The following PAM variants were observed in gnomAD, a reference collection of about 807,000 sequenced individuals.
PAM encodes the protein peptidylglycine alpha-amidating monooxygenase.
Under a neutral mutation model 122.1 loss-of-function variants are expected in PAM, and 72 were observed. The observed-to-expected ratio is 0.59, with a 90% confidence interval of 0.49 to 0.72. The LOEUF (loss-of-function observed/expected upper bound fraction) is 0.72, where lower values mean the gene tolerates loss of function less well. PAM is among the 30% of genes least tolerant of loss of function. PAM has a pLI of 0.00. For synonymous variants in PAM, 389 were observed against 404.4 expected (o/e 0.96, Z 0.46); for missense variants, 1,106 against 1,183.7 (o/e 0.93, Z 0.96).
downstream of PAM, chr5:103,030,062 A>T (rs1786040522): frequency 6.6e-6 from 1 of 152,206 alleles, no homozygotes; most frequent in African/African-American, 2.4e-5. Flanking sequence ...CACTAATAAT[A>T]GTTTTCCTTT....
At chr5:102,823,782 C>A (rs974088626) in intron 1 of PAM, among the ~76,000 whole-genome samples, 1 of 152,142 alleles carries the variant, frequency 6.6e-6, no homozygotes, top group African/African-American at 2.4e-5. Context: ...AATCTATGCT[C>A]ATAAGTGAAC....
rs202198368 is a variant in PAM, at chr5:102,990,387, T to C, written c.1599T>C (p.His533=). 7.5e-6 allele frequency: 12 copies of C among 1,595,526 alleles called. No individual in the cohort carries two copies. The highest frequency in any genetic ancestry group is 1.0e-5 in the Non-Finnish European group (12 of 1,169,704). The change falls in exon 16 of 26, where the codon CAT becomes CAC. Residue 533 remains histidine (H), a synonymous_variant. Coordinates refer to ENST00000438793, the MANE Select transcript of PAM (RefSeq NM_001177306.2). ...TGGTGATTTTCCACAGAGGTGACCA[T>C]GTCTGGGATGGAAAGTAAGTAATAT... is the stretch of plus-strand genomic sequence containing the variant. ...NNLVIFHRGD[H]VWDGNSFDSK... is the part of the protein sequence containing the mutation.
chr5:102,943,715 A>T (rs1302985288), intron 7 of PAM, among the ~76,000 whole-genome samples: 2 of 152,160 alleles, frequency 1.3e-5, no homozygotes, highest in Admixed American at 6.5e-5. Context: ...TAAGATTTGA[A>T]CTTACACTCT....
intron 16 of PAM, among the ~76,000 whole-genome samples, chr5:103,001,076 C>T (rs186003025): frequency 6.6e-6 from 1 of 152,066 alleles, no homozygotes; most frequent in African/African-American, 2.4e-5. Context: ...AAACTTTAAC[C>T]TATTACATAT....
intron 5 of PAM, among the ~76,000 whole-genome samples, chr5:102,923,879 A>C (rs1437071478): frequency 6.6e-6 from 1 of 152,186 alleles, no homozygotes; most frequent in Non-Finnish European, 1.5e-5. Flanking sequence ...GTCAACAGTG[A>C]ATCTTCAGAT....
chr5:102,878,122 C>T lies in PAM; in HGVS notation c.210+10729C>T, dbSNP rs76619008. ...TCTATAATTATTAATACATAAATATCCCTCTGTAAGATATTTGGTGTATCA... is the reference window on the plus strand; with the variant it reads ...TCTATAATTATTAATACATAAATATTCCTCTGTAAGATATTTGGTGTATCA... On this transcript the variant is annotated intron_variant, in intron 3 of 25. Coordinates refer to ENST00000438793, the MANE Select transcript of PAM (RefSeq NM_001177306.2). 6.7e-3 allele frequency among the ~76,000 whole-genome samples: 1,019 copies of T among 151,934 alleles called. 8 individuals carry two copies. The highest frequency in any genetic ancestry group is 0.013 in the Non-Finnish European group (851 of 67,940).
At chr5:102,988,341 A>G (rs1379666631) in intron 15 of PAM, among the ~76,000 whole-genome samples, 4 of 143,052 alleles carry the variant, frequency 2.8e-5, no homozygotes, top group Non-Finnish European at 5.9e-5. Context: ...TCCCAGCCCT[A>G]TCCTTGGGAA....
chr5:103,026,379 A>C (rs978549111), intron 24 of PAM, among the ~76,000 whole-genome samples: 1 of 152,202 alleles, frequency 6.6e-6, no homozygotes, highest in Non-Finnish European at 1.5e-5. Context: ...AAGCCCTGAC[A>C]CAGAAAAAGG....
intron 1 of PAM, among the ~76,000 whole-genome samples, chr5:102,823,465 A>G (rs1772675411): frequency 6.6e-6 from 1 of 152,230 alleles, no homozygotes; most frequent in Admixed American, 6.5e-5. Context: ...TGTGACCATC[A>G]CATATAACTT....
intron 1 of PAM, among the ~76,000 whole-genome samples, chr5:102,856,662 T>C (rs1782713583): frequency 6.6e-6 from 1 of 152,184 alleles, no homozygotes; most frequent in African/African-American, 2.4e-5. Context: ...CTAATGGACA[T>C]ATTTAAAGGG....
chr5:102,773,050 A>G (rs1756234084), intron 1 of PAM, among the ~76,000 whole-genome samples: 1 of 152,080 alleles, frequency 6.6e-6, no homozygotes, highest in African/African-American at 2.4e-5. Flanking sequence ...TTGGAAAACT[A>G]TTTTACTTCC....
At chr5:102,925,401 A>G (rs1014840582) in intron 6 of PAM, among the ~76,000 whole-genome samples, 4 of 152,206 alleles carry the variant, frequency 2.6e-5, no homozygotes, top group African/African-American at 9.6e-5. Flanking sequence ...AGAATTTTTT[A>G]CAGTCCTGGA....
intron 20 of PAM, 151 bp downstream of exon 20, chr5:103,007,808 A>G (rs1435092585): frequency 1.3e-5 from 8 of 602,064 alleles, no homozygotes; most frequent in Non-Finnish European, 2.3e-5. Flanking sequence ...GTTCTAACTC[A>G]GTTTTGATTA....
rs112231974 is a variant in PAM at position 102,904,228 on chromosome 5, G to A, written c.268+2815G>A. ...GATTAGACATGGTTGCAAATGAAGA[G>A]CTGTAAAAACCCATAATACTTTGTT... is the stretch of plus-strand genomic sequence containing the variant. On this transcript the variant is annotated intron_variant, in intron 4 of 25. Transcript: ENST00000438793. 2.5e-3 allele frequency among the ~76,000 whole-genome samples: 386 copies of A among 151,508 alleles called. 3 individuals are homozygous for A. Among genetic ancestry groups the A allele is most frequent in the African/African-American group, 8.7e-3 (359 of 41,444 alleles).
chr5:102,951,161 C>CCAA (rs1251727531), intron 12 of PAM, among the ~76,000 whole-genome samples: 1 of 151,546 alleles, frequency 6.6e-6, no homozygotes, highest in Non-Finnish European at 1.5e-5. Flanking sequence ...GCCTTTTTGC[C>CCAA]CTGTGTTCAC....
intron 1 of PAM, among the ~76,000 whole-genome samples, chr5:102,803,040 T>G (rs1007132438): frequency 6.6e-6 from 1 of 151,936 alleles, no homozygotes; most frequent in Non-Finnish European, 1.5e-5. Flanking sequence ...GGAGGATTGC[T>G]TGAGCCCAGG....
intron 1 of PAM, among the ~76,000 whole-genome samples, chr5:102,782,502 G>T (rs775488642): frequency 6.6e-6 from 1 of 152,178 alleles, no homozygotes; most frequent in Non-Finnish European, 1.5e-5. Flanking sequence ...GTTTTAGAAA[G>T]ATACTTGAAA....
intron 15 of PAM, among the ~76,000 whole-genome samples, chr5:102,988,979 C>T (rs1773119275): frequency 6.6e-6 from 1 of 152,106 alleles, no homozygotes; most frequent in Non-Finnish European, 1.5e-5. Flanking sequence ...TCTTTAATGT[C>T]CGTCTTTGAG....
chr5:102,863,255 T>A (rs1003122902), intron 1 of PAM, among the ~76,000 whole-genome samples: 1 of 152,204 alleles, frequency 6.6e-6, no homozygotes, highest in Non-Finnish European at 1.5e-5. Context: ...GAAATTTTAT[T>A]ACTTTATGAA....
Sources: gnomAD v4.1 joint callset for allele counts (sites outside exome capture counted in the v4.1 genomes callset) on GRCh38, gnomAD v4.1.1 for gene constraint, MANE v1.5 for transcripts, NCBI Gene and HGNC (gene_info 2026-07-23, HGNC 2026-07-21) for gene names.